The following BASP1 variants were observed in gnomAD, a reference collection of about 807,000 sequenced individuals.
The protein encoded by BASP1 is brain abundant membrane attached signal protein 1.
A neutral mutation model predicts 2.2 loss-of-function variants in BASP1; 1 was observed. That is an observed-to-expected ratio of 0.46 (90% CI 0.16 to 2.17). BASP1 has a LOEUF of 2.17. Ranked by LOEUF, BASP1 falls within the 30% of genes most tolerant of loss-of-function variation. BASP1 has a pLI of 0.27. For synonymous variants in BASP1, 187 were observed against 154.2 expected, an observed-to-expected ratio of 1.21 and a Z score of -1.58; for missense variants, 352 against 327.2, an observed-to-expected ratio of 1.08 and a Z score of -0.58.
At chr5:17,268,073 T>C (rs1051748784) in intron 1 of BASP1, among the ~76,000 whole-genome samples, 2 of 152,000 alleles carry the variant, frequency 1.3e-5, no homozygotes, top group African/African-American at 2.4e-5. Flanking sequence ...CATAAAATTA[T>C]TTTTCCCCCT....
chr5:17,218,583 T>TGGGTCC (rs934689008), intron 1 of BASP1, among the ~76,000 whole-genome samples: 1 of 152,068 alleles, frequency 6.6e-6, no homozygotes, highest in African/African-American at 2.4e-5. Flanking sequence ...GCCTCCGCCC[T>TGGGTCC]GGGTCCCGGC....
In BASP1 at chr5:17,263,039, G is replaced by A. The variant is rs148346051; in HGVS notation, c.-9-12169G>A. On this transcript the variant is annotated intron_variant, in intron 1 of 1. Transcript: ENST00000322611. ...TTTTTTATATTTTTTAGTAGAGATG[G>A]GGTTTCACCGTATTAGCCAGGATGG... Among the ~76,000 whole-genome samples, 649 of 152,132 alleles carry A rather than the reference G, an allele frequency of 4.3e-3. 8 individuals are homozygous for A. Among genetic ancestry groups the A allele is most frequent in the African/African-American group, 0.015 (625 of 41,500 alleles).
chr5:17,229,853 G>C (rs1243375157), intron 1 of BASP1, among the ~76,000 whole-genome samples: 1 of 145,392 alleles, frequency 6.9e-6, no homozygotes, highest in African/African-American at 2.5e-5. Context: ...GCACTATCTT[G>C]GCTCACTGCA....
At chr5:17,243,301 G>A (rs1052394921) in intron 1 of BASP1, among the ~76,000 whole-genome samples, 10 of 151,960 alleles carry the variant, frequency 6.6e-5, no homozygotes, top group African/African-American at 1.7e-4. Context: ...GGCGTGGTGC[G>A]TACCACCACG....
chr5:17,245,092 A>G (rs1276128923), intron 1 of BASP1, among the ~76,000 whole-genome samples: 1 of 151,528 alleles, frequency 6.6e-6, no homozygotes, highest in South Asian at 2.1e-4. Context: ...TCTTGAGGTC[A>G]GGAGTTCAAG....
rs1460216848 is a variant in BASP1, at chr5:17,236,942, T to C, written c.-10+19132T>C. Among the ~76,000 whole-genome samples the C allele has an allele frequency of 6.6e-6, 1 of 152,240 alleles. No homozygotes were observed. Among genetic ancestry groups the C allele is most frequent in the Non-Finnish European group, 1.5e-5 (1 of 68,044 alleles). ...TGCTTGCGCTACTGTGTCATTCCTC[T>C]GGAATTTTCAAAAGCTGAGATTTTT... On this transcript the variant is annotated intron_variant, in intron 1 of 1. Transcript: ENST00000322611. This position sits in a 1 kb window ranked among gnomAD's most constrained non-coding sequence, Gnocchi z 4.0.
At chr5:17,242,818 A>G in intron 1 of BASP1, among the ~76,000 whole-genome samples, 1 of 151,952 alleles carries the variant, frequency 6.6e-6, no homozygotes, top group East Asian at 1.9e-4. Context: ...GAGTCGAAGT[A>G]AGTCTAGGAA....
chr5:17,226,433 T>C (rs892665984), intron 1 of BASP1, among the ~76,000 whole-genome samples: 2 of 152,210 alleles, frequency 1.3e-5, no homozygotes, highest in African/African-American at 4.8e-5. Context: ...CATTACCACG[T>C]AGACTAATAC....
Position 17,275,673 on chromosome 5 carries a change from G to T in BASP1, c.457G>T (p.Ala153Ser). The stretch of plus-strand genomic sequence containing the variant: ...GGAAGGGGAACCCAAAAAGACTGAG[G>T]CGCCCGCAGCTCCTGCCGCCCAGGA... Reference protein sequence around the residue: ...KEEGEPKKTEAPAAPAAQETK... With the variant: ...KEEGEPKKTESPAAPAAQETK... The change falls in exon 2 of 2, where the codon GCG becomes TCG. Residue 153 changes from alanine (A) to serine (S), a missense_variant. Physicochemically the swap from Ala to Ser is moderately conservative, Grantham distance 99 (BLOSUM62 1). Coordinates refer to ENST00000322611, the MANE Select transcript of BASP1 (RefSeq NM_006317.5). This position sits in a 1 kb window ranked among gnomAD's most constrained non-coding sequence, Gnocchi z 5.3. 4 of 1,562,212 alleles carry T rather than the reference G, an allele frequency of 2.6e-6. No individual in the cohort carries two copies. The highest frequency in any genetic ancestry group is 3.5e-6 in the Non-Finnish European group (4 of 1,154,478).
intron 1 of BASP1, among the ~76,000 whole-genome samples, chr5:17,244,954 C>T (rs1034280612): frequency 1.4e-5 from 2 of 146,148 alleles, no homozygotes; most frequent in Non-Finnish European, 3.0e-5. Flanking sequence ...GGATTACAGG[C>T]GTGAGCCACC....
intron 1 of BASP1, among the ~76,000 whole-genome samples, chr5:17,218,537 T>G (rs925936012): frequency 1.3e-5 from 2 of 152,040 alleles, no homozygotes; most frequent in African/African-American, 4.8e-5. Flanking sequence ...GAGCAGTTTG[T>G]TTTTTCGAGC....
At chr5:17,228,800 G>A (rs117960216) in intron 1 of BASP1, among the ~76,000 whole-genome samples, 7 of 152,284 alleles carry the variant, frequency 4.6e-5, no homozygotes, top group East Asian at 1.9e-4. Flanking sequence ...GTATTGATCC[G>A]CATTGGCTAA....
At position 17,275,947 on chromosome 5, in the gene BASP1, CTCT is replaced by C. The variant is rs755447207; in HGVS notation, c.*48_*50del. 4,390 of 345,850 alleles carry C rather than the reference CTCT, an allele frequency of 0.013. 82 individuals carry two copies. The African/African-American group carries it at 0.22, about 18-fold the overall frequency. 21.4% of individuals were successfully genotyped at this position (345,850 alleles called of 1,614,324 possible). ...ACAATACCACTTAAAACAATCTCCT[CTCT>C]CTCTCTCTCTCTCTCTCTCTATCTC... On this transcript the variant is annotated 3_prime_UTR_variant, in exon 2 of 2. Transcript: ENST00000322611. The surrounding 1 kb of genome is among the most constrained non-coding windows in gnomAD (Gnocchi z 5.3).
intron 1 of BASP1, among the ~76,000 whole-genome samples, chr5:17,245,303 GTC>G (rs35494329): frequency 0.33 from 45,019 of 135,380 alleles, 7,524 homozygotes; most frequent in South Asian, 0.42. Flanking sequence ...GTGAGACTCC[GTC>G]TCAAAAAAAA....
At position 17,275,768 on chromosome 5, in the gene BASP1, G is replaced by A. The variant is rs1381029427; in HGVS notation, c.552G>A (p.Lys184=). The part of the protein sequence containing the change: ...PGSSEAAPSS[K]ETPAATEAPS... Reference sequence around the variant, plus strand: ...GCTCGGAGGCTGCCCCCTCTTCCAAGGAGACCCCCGCAGCCACGGAAGCGC... The same window carrying A: ...GCTCGGAGGCTGCCCCCTCTTCCAAAGAGACCCCCGCAGCCACGGAAGCGC... The change falls in exon 2 of 2, where the codon AAG becomes AAA. Residue 184 remains lysine (K), a synonymous_variant. Coordinates refer to ENST00000322611, the MANE Select transcript of BASP1 (RefSeq NM_006317.5). This position sits in a 1 kb window ranked among gnomAD's most constrained non-coding sequence, Gnocchi z 5.3. The A allele has an allele frequency of 6.2e-7, 1 of 1,612,736 alleles. No individual in the cohort carries two copies. The highest frequency in any genetic ancestry group is 1.3e-5 in the African/African-American group (1 of 74,862).
intron 1 of BASP1, among the ~76,000 whole-genome samples, chr5:17,257,973 C>T (rs1740247393): frequency 6.6e-6 from 1 of 152,132 alleles, no homozygotes; most frequent in Non-Finnish European, 1.5e-5. Context: ...GTGTTATCAT[C>T]AGGGGTTCTT....
At chr5:17,265,083 GTTAA>G (rs1266848906) in intron 1 of BASP1, among the ~76,000 whole-genome samples, 1 of 152,200 alleles carries the variant, frequency 6.6e-6, no homozygotes, top group Non-Finnish European at 1.5e-5. Context: ...CCATGGTATT[GTTAA>G]TTGACAGAGC....
At chr5:17,234,654 A>G (rs927581115) in intron 1 of BASP1, among the ~76,000 whole-genome samples, 1 of 152,212 alleles carries the variant, frequency 6.6e-6, no homozygotes, top group Non-Finnish European at 1.5e-5. Flanking sequence ...TTGTTTATTG[A>G]TGGAGTTGGG....
At chr5:17,262,770 G>T (rs1183705495) in intron 1 of BASP1, among the ~76,000 whole-genome samples, 1 of 151,252 alleles carries the variant, frequency 6.6e-6, no homozygotes, top group Non-Finnish European at 1.5e-5. Context: ...TCTCCCTCTT[G>T]CTAGACTAGG....
Sources: allele counts gnomAD v4.1 joint callset (sites outside exome capture counted in the v4.1 genomes callset), GRCh38; gene constraint gnomAD v4.1.1; non-coding constraint Gnocchi (gnomAD v3.1); transcripts MANE v1.5; gene names NCBI Gene and HGNC (gene_info 2026-07-23, HGNC 2026-07-21).